The following OR51B5 variants were observed in gnomAD, a reference collection of about 807,000 sequenced individuals.
OR51B5 encodes the protein olfactory receptor family 51 subfamily B member 5.
For missense variants in OR51B5, 456 were observed against 374.6 expected, an observed-to-expected ratio of 1.22 and a Z score of -1.79; for synonymous variants, 186 against 144.8, an observed-to-expected ratio of 1.28 and a Z score of -2.04.
rs539093083 is a variant in OR51B5 at position 5,468,997 on chromosome 11, A to G, written n.84+36572T>C. On this transcript the variant is annotated intron_variant and non_coding_transcript_variant, in intron 1 of 4. Coordinates refer to the OR51B5 transcript ENST00000415970. ...CAATGGATATGCCATTGTGGGCCAC[A>G]CGGACATCAGTGAGCACTGTGGCAT... 233 of 339,390 alleles carry G rather than the reference A, an allele frequency of 6.9e-4. 1 individual carries two copies. The highest frequency in any genetic ancestry group is 8.7e-4 in the Non-Finnish European group (148 of 170,620). The allele number at this position is 339,390 out of a possible 1,614,324, so 21.0% of individuals were successfully genotyped here.
intron 1 of OR51B5, among the ~76,000 whole-genome samples, chr11:5,447,812 A>G (rs993574646): frequency 6.6e-6 from 1 of 152,126 alleles, no homozygotes; most frequent in Non-Finnish European, 1.5e-5. Flanking sequence ...TTGGTTGGTT[A>G]TATTTTGAAG....
chr11:5,366,063 G>GCTAA (rs10693345), intron 1 of OR51B5, among the ~76,000 whole-genome samples: 41,213 of 151,880 alleles, frequency 0.27, 5,831 homozygotes, highest in African/African-American at 0.33. Context: ...ATGTTTGGGG[G>GCTAA]CTGTTAATGG....
At chr11:5,485,003 G>A (rs945976525) in intron 1 of OR51B5, among the ~76,000 whole-genome samples, 1 of 152,098 alleles carries the variant, frequency 6.6e-6, no homozygotes, top group Admixed American at 6.5e-5. Flanking sequence ...TATACAGATT[G>A]GCTACTCTTT....
At chr11:5,447,052 C>T (rs1210849016) in intron 1 of OR51B5, among the ~76,000 whole-genome samples, 2 of 152,120 alleles carry the variant, frequency 1.3e-5, no homozygotes, top group Admixed American at 1.3e-4. Flanking sequence ...TGGACTACAA[C>T]AAGTTGATGC....
At chr11:5,387,804 A>G (rs1032267044) in intron 1 of OR51B5, among the ~76,000 whole-genome samples, 3 of 152,156 alleles carry the variant, frequency 2.0e-5, no homozygotes, top group African/African-American at 7.2e-5. Context: ...CTACTCAGAG[A>G]GGTCTTCTCT....
At chr11:5,493,338 C>T (rs528881459) in intron 1 of OR51B5, among the ~76,000 whole-genome samples, 8 of 152,206 alleles carry the variant, frequency 5.3e-5, no homozygotes, top group Admixed American at 3.9e-4. Flanking sequence ...GTTGAGAAAT[C>T]GATCTGCCTT....
chr11:5,414,460 A>T (rs1235914253), intron 1 of OR51B5, among the ~76,000 whole-genome samples: 2 of 151,880 alleles, frequency 1.3e-5, no homozygotes, highest in Non-Finnish European at 2.9e-5. Flanking sequence ...AATGGACTAA[A>T]TGCTCCAATT....
At chr11:5,397,968 A>G (rs1180954907) in intron 1 of OR51B5, among the ~76,000 whole-genome samples, 3 of 152,006 alleles carry the variant, frequency 2.0e-5, no homozygotes, top group Non-Finnish European at 4.4e-5. Context: ...GCCAAACACC[A>G]CATGTTCTCA....
intron 1 of OR51B5, chr11:5,362,667 T>A: frequency 4.9e-6 from 1 of 204,014 alleles, no homozygotes; most frequent in Non-Finnish European, 1.1e-5. Context: ...CCAGCTGTCT[T>A]CCCCCATCTG....
intron 1 of OR51B5, among the ~76,000 whole-genome samples, chr11:5,409,234 T>C (rs1303498588): frequency 6.6e-6 from 1 of 152,110 alleles, no homozygotes; most frequent in African/African-American, 2.4e-5. Flanking sequence ...GTGGAGAACC[T>C]TGGAGAGGTA....
intron 1 of OR51B5, among the ~76,000 whole-genome samples, chr11:5,432,307 C>T (rs1850545623): frequency 6.6e-6 from 1 of 152,092 alleles, no homozygotes; most frequent in African/African-American, 2.4e-5. Context: ...GACAGCATAG[C>T]TTAAAAATTA....
At chr11:5,378,582 C>T (rs1849564069) in intron 1 of OR51B5, among the ~76,000 whole-genome samples, 2 of 152,076 alleles carry the variant, frequency 1.3e-5, no homozygotes, top group Non-Finnish European at 2.9e-5. Context: ...GGCTAATATC[C>T]AGAATCTATA....
chr11:5,358,539 G>T (rs1274066811), intron 1 of OR51B5, among the ~76,000 whole-genome samples: 6 of 152,180 alleles, frequency 3.9e-5, no homozygotes, highest in Non-Finnish European at 5.9e-5. Context: ...ACCAGATGGA[G>T]TCACAGCCAA....
chr11:5,351,527 C>T (rs748892217), intron 1 of OR51B5: 2 of 1,612,492 alleles, frequency 1.2e-6, no homozygotes, highest in East Asian at 4.5e-5. Context: ...AATAAGTCTG[C>T]TTCCACCTTC....
At chr11:5,488,881 C>T (rs1376656313) in intron 1 of OR51B5, 2 of 1,613,954 alleles carry the variant, frequency 1.2e-6, no homozygotes, top group Non-Finnish European at 1.7e-6. Flanking sequence ...CAATGCTCTT[C>T]ATGCACCTAT....
intron 1 of OR51B5, chr11:5,352,242 C>G: frequency 6.2e-7 from 1 of 1,614,180 alleles, no homozygotes; most frequent in Non-Finnish European, 8.5e-7. Context: ...ATATCTGCTG[C>G]ATCCTGGTCT....
At chr11:5,367,474 G>T (rs955449547) in intron 1 of OR51B5, among the ~76,000 whole-genome samples, 1 of 152,156 alleles carries the variant, frequency 6.6e-6, no homozygotes, top group Non-Finnish European at 1.5e-5. Flanking sequence ...ACCGCTTAGC[G>T]TAACTTCCTG....
At chr11:5,476,185 T>G (rs926431032) in intron 1 of OR51B5, among the ~76,000 whole-genome samples, 4 of 152,236 alleles carry the variant, frequency 2.6e-5, no homozygotes, top group East Asian at 1.9e-4. Context: ...TTATAACTAT[T>G]TCCCCCCAGT....
At chr11:5,371,765 T>C (rs1206267802) in intron 1 of OR51B5, among the ~76,000 whole-genome samples, 1 of 152,178 alleles carries the variant, frequency 6.6e-6, no homozygotes, top group African/African-American at 2.4e-5. Flanking sequence ...TTTCTTTGTG[T>C]AAGGGCATCT....
Sources: gnomAD v4.1 joint callset for allele counts (sites outside exome capture counted in the v4.1 genomes callset) on GRCh38, gnomAD v4.1.1 for gene constraint, MANE v1.5 for transcripts, NCBI Gene and HGNC (gene_info 2026-07-23, HGNC 2026-07-21) for gene names.